The following SLC24A2 variants were observed in gnomAD, a reference collection of about 807,000 sequenced individuals.
SLC24A2 encodes the protein sodium/potassium/calcium exchanger 2.
Under a neutral mutation model 62.0 loss-of-function variants are expected in SLC24A2, and 36 were observed. The observed-to-expected ratio is 0.58, with a 90% confidence interval of 0.44 to 0.77. The LOEUF is 0.77. SLC24A2 is among the 30% of genes least tolerant of loss of function. The pLI is 0.00. For synonymous variants in SLC24A2, 358 were observed against 294.0 expected, an observed-to-expected ratio of 1.22 and a Z score of -2.23; for missense variants, 846 against 817.9, an observed-to-expected ratio of 1.03 and a Z score of -0.42.
the SLC24A2 span, among the ~76,000 whole-genome samples, chr9:19,976,546 C>G: frequency 6.6e-6 from 1 of 152,200 alleles, no homozygotes; most frequent in Non-Finnish European, 1.5e-5. Flanking sequence ...GTCAAGACTG[C>G]AGAACTATGA....
At chr9:20,039,424 G>A in the SLC24A2 span, among the ~76,000 whole-genome samples, 1 of 152,062 alleles carries the variant, frequency 6.6e-6, no homozygotes, top group Non-Finnish European at 1.5e-5. Context: ...CAGGGCAGGA[G>A]GAAATTTCTG....
At chr9:19,607,718 C>CAA (rs769291086) in intron 4 of SLC24A2, among the ~76,000 whole-genome samples, 709 of 66,340 alleles carry the variant, frequency 0.011, 9 homozygotes, top group Middle Eastern at 0.015. Flanking sequence ...GACTCTGTCT[C>CAA]AAAAAAAAAA....
intron 10 of SLC24A2, among the ~76,000 whole-genome samples, chr9:19,520,672 G>A (rs1466697480): frequency 6.6e-6 from 1 of 151,848 alleles, no homozygotes; most frequent in Non-Finnish European, 1.5e-5. Context: ...ATGTAGGTAT[G>A]TGCTTCTGCT....
chr9:19,919,778 G>A, the SLC24A2 span, among the ~76,000 whole-genome samples: 1 of 152,108 alleles, frequency 6.6e-6, no homozygotes, highest in African/African-American at 2.4e-5. Context: ...CAGGGCAAAG[G>A]GGGGCGGAAA....
At chr9:19,640,360 G>C (rs1818460348) in intron 2 of SLC24A2, among the ~76,000 whole-genome samples, 1 of 152,134 alleles carries the variant, frequency 6.6e-6, no homozygotes. Context: ...CTTTCTCTCT[G>C]TACTGCTATA....
intron 2 of SLC24A2, among the ~76,000 whole-genome samples, chr9:19,718,359 C>T (rs1396497515): frequency 7.9e-6 from 1 of 126,648 alleles, no homozygotes; most frequent in Non-Finnish European, 1.6e-5. Context: ...GTGGTGCAAT[C>T]GCAGCTCACT....
At chr9:20,229,587 C>T in the SLC24A2 span, among the ~76,000 whole-genome samples, 1 of 152,046 alleles carries the variant, frequency 6.6e-6, no homozygotes, top group Non-Finnish European at 1.5e-5. Flanking sequence ...TTACTCAGTC[C>T]ATACATTTGT....
At chr9:19,593,358 T>C (rs1397767310) in intron 5 of SLC24A2, among the ~76,000 whole-genome samples, 1 of 151,856 alleles carries the variant, frequency 6.6e-6, no homozygotes, top group Non-Finnish European at 1.5e-5. Flanking sequence ...AATAAAAAAG[T>C]AGATAAAATT....
chr9:19,572,703 T>C (rs888329000), intron 7 of SLC24A2, among the ~76,000 whole-genome samples: 1 of 152,238 alleles, frequency 6.6e-6, no homozygotes, highest in African/African-American at 2.4e-5. Flanking sequence ...AATGGACTAA[T>C]ACCTATGTAA....
chr9:20,070,483 T>C, the SLC24A2 span, among the ~76,000 whole-genome samples: 10 of 152,332 alleles, frequency 6.6e-5, no homozygotes, highest in African/African-American at 2.2e-4. Context: ...GTTCATACGA[T>C]TGAGTTTGTA....
the SLC24A2 span, among the ~76,000 whole-genome samples, chr9:19,990,405 T>C: frequency 6.6e-6 from 1 of 151,524 alleles, no homozygotes; most frequent in African/African-American, 2.4e-5. Context: ...AGGTCAAGAG[T>C]TCGAGACCAT....
the SLC24A2 span, among the ~76,000 whole-genome samples, chr9:20,231,052 C>A: frequency 5.3e-5 from 8 of 151,520 alleles, no homozygotes; most frequent in South Asian, 4.2e-4. Context: ...GTAGATATGC[C>A]GCATTATTTC....
At chr9:19,765,328 A>T (rs1822478509) in intron 2 of SLC24A2, among the ~76,000 whole-genome samples, 1 of 152,126 alleles carries the variant, frequency 6.6e-6, no homozygotes, top group African/African-American at 2.4e-5. Flanking sequence ...TGTGAATCTG[A>T]TCCTGCCATT....
chr9:20,173,957 A>G, the SLC24A2 span, among the ~76,000 whole-genome samples: 1 of 152,174 alleles, frequency 6.6e-6, no homozygotes, highest in South Asian at 2.1e-4. Flanking sequence ...CTATACTAGA[A>G]AACCATAGTC....
the SLC24A2 span, among the ~76,000 whole-genome samples, chr9:20,128,257 G>T: frequency 6.6e-6 from 1 of 152,020 alleles, no homozygotes; most frequent in African/African-American, 2.4e-5. Flanking sequence ...TAATTTTTAG[G>T]ATTCTGAATG....
the SLC24A2 span, among the ~76,000 whole-genome samples, chr9:20,080,698 G>A: frequency 1.6e-4 from 24 of 152,278 alleles, no homozygotes; most frequent in African/African-American, 5.3e-4. Flanking sequence ...GCAATCTACA[G>A]AATGGGAGAA....
chr9:19,811,746 A>C, the SLC24A2 span, among the ~76,000 whole-genome samples: 5 of 152,070 alleles, frequency 3.3e-5, no homozygotes, highest in African/African-American at 1.2e-4. Flanking sequence ...AGATACTTTT[A>C]ACTTAATTAT....
At chr9:19,924,498 T>G in the SLC24A2 span, among the ~76,000 whole-genome samples, 1 of 152,300 alleles carries the variant, frequency 6.6e-6, no homozygotes, top group African/African-American at 2.4e-5. Flanking sequence ...ATCACTGATC[T>G]AGTCAGCTGT....
intron 2 of SLC24A2, among the ~76,000 whole-genome samples, chr9:19,636,316 TTTCTTTCTTTCTTTCTTTCTTTC>T: frequency 1.0e-4 from 1 of 9,826 alleles, no homozygotes; most frequent in East Asian, 5.4e-3. Flanking sequence ...TTTCTTTTCT[TTTCTTTCTTTCTTTCTTTCTTTC>T]TTTCTTTCTT....
Sources: allele counts gnomAD v4.1 joint callset (sites outside exome capture counted in the v4.1 genomes callset), GRCh38; gene constraint gnomAD v4.1.1; transcripts MANE v1.5; gene names NCBI Gene and HGNC (gene_info 2026-07-23, HGNC 2026-07-21).